The following QRICH2 variants were observed in gnomAD, a reference collection of about 807,000 sequenced individuals.
The protein encoded by QRICH2 is glutamine-rich protein 2.
Under a neutral mutation model 168.3 loss-of-function variants are expected in QRICH2, and 119 were observed. The observed-to-expected ratio is 0.71, with a 90% CI of 0.61 to 0.82. The LOEUF (loss-of-function observed/expected upper bound fraction) is 0.82, where lower values mean the gene tolerates loss of function less well. Ranked by LOEUF, QRICH2 falls within the 40% of genes least tolerant of loss-of-function variation. QRICH2 has a pLI of 0.00. For synonymous variants in QRICH2, 894 were observed against 951.2 expected, an observed-to-expected ratio of 0.94 and a Z score of 1.11; for missense variants, 2,241 against 2,491.6, an observed-to-expected ratio of 0.90 and a Z score of 2.14.
chr17:76,289,083 G>A (rs867233668), intron 5 of QRICH2, among the ~76,000 whole-genome samples: 2 of 144,922 alleles, frequency 1.4e-5, no homozygotes, highest in African/African-American at 2.6e-5. Flanking sequence ...CAGCCTTGGC[G>A]ACAGAGTGAG....
At position 76,293,885 on chromosome 17, in the gene QRICH2, G is replaced by A. The variant is rs140131210; in HGVS notation, c.842C>T (p.Pro281Leu). The change falls in exon 4 of 19, where the codon CCG becomes CTG. Residue 281 changes from proline to leucine, a missense_variant. This residue lies in a region of QRICH2 where 2,047 missense variants were observed against 2,303.8 expected (regional missense o/e 0.89). Transcript: ENST00000680821. ...QALDSASGLG[P>L]DRTASGSGGT... is the part of the protein sequence containing the mutation. ...ACCAGATCCTGATGCAGTCCGATCC[G>A]GGCCAAGACCACTGGCAGAATCCAG... 9.7e-5 allele frequency: 156 copies of A among 1,614,158 alleles called. No individual in the cohort carries two copies. The highest frequency in any genetic ancestry group is 4.1e-4 in the African/African-American group (31 of 75,040).
rs771702889 is a variant in QRICH2, at chr17:76,282,076, A to T, written c.4051T>A (p.Ser1351Thr). 7 of 1,610,608 alleles carry T rather than the reference A, an allele frequency of 4.3e-6. No individual in the cohort carries two copies. The highest frequency in any genetic ancestry group is 2.7e-5 in the African/African-American group (2 of 74,860). Residue 1351 changes from serine (S) to threonine (T), a missense_variant, in exon 8 of 19, where the codon TCC becomes ACC. Ser to Thr is a moderately conservative substitution (Grantham distance 58). Coordinates refer to ENST00000680821, the MANE Select transcript of QRICH2 (RefSeq NM_001388453.1). Reference sequence around the variant, plus strand: ...CTCATGGACAGGAGCGTGGAGGAGGAGGTCAGCATGCTCTCAATGATCATC... The same window carrying T: ...CTCATGGACAGGAGCGTGGAGGAGGTGGTCAGCATGCTCTCAATGATCATC... ...LRMIIESMLT[S>T]SSTLLSMSMA...
chr17:76,306,820 G>A (rs1249400248), intron 1 of QRICH2, among the ~76,000 whole-genome samples: 1 of 151,932 alleles, frequency 6.6e-6, no homozygotes, highest in African/African-American at 2.4e-5. Flanking sequence ...CTGGGAGGCG[G>A]AAGTTGCAGT....
chr17:76,279,564 C>T, intron 12 of QRICH2, 136 bp from the exon 13 acceptor site: 1 of 682,306 alleles, frequency 1.5e-6, no homozygotes. Flanking sequence ...AATCCATCTG[C>T]TCCCACCTCT....
At chr17:76,294,997 C>T (rs1352400784) in intron 3 of QRICH2, among the ~76,000 whole-genome samples, 1 of 151,238 alleles carries the variant, frequency 6.6e-6, no homozygotes, top group East Asian at 2.0e-4. Context: ...TTTGGGAGGC[C>T]GAGGTGGGCA....
chr17:76,285,988 C>T (rs546642720), intron 7 of QRICH2, among the ~76,000 whole-genome samples: 15 of 151,794 alleles, frequency 9.9e-5, no homozygotes, highest in South Asian at 2.1e-4. Flanking sequence ...CTGGCTAACA[C>T]AGTGAAACCC....
chr17:76,276,380 G>A (rs1173122585), intron 17 of QRICH2, among the ~76,000 whole-genome samples: 1 of 152,192 alleles, frequency 6.6e-6, no homozygotes, highest in Non-Finnish European at 1.5e-5. Flanking sequence ...GGAGGAGGAG[G>A]CCCTGATGAT....
intron 7 of QRICH2, among the ~76,000 whole-genome samples, chr17:76,285,246 C>T (rs2070861364): frequency 6.6e-6 from 1 of 152,016 alleles, no homozygotes; most frequent in African/African-American, 2.4e-5. Flanking sequence ...ATTCTCCTGC[C>T]CCAGCCTCCT....
chr17:76,287,501 A>G (rs2070912101), intron 6 of QRICH2, among the ~76,000 whole-genome samples, 195 bp from the exon 7 acceptor site: 2 of 152,112 alleles, frequency 1.3e-5, no homozygotes, highest in African/African-American at 4.8e-5. Flanking sequence ...AGGACTGGGC[A>G]CTGCAAAGAG....
At position 76,292,287 on chromosome 17, in the gene QRICH2, G is replaced by A. The variant is rs747096673; in HGVS notation, c.2440C>T (p.Pro814Ser). 1.2e-6 allele frequency: 2 copies of A among 1,603,816 alleles called. No individual in the cohort carries two copies. Among genetic ancestry groups the A allele is most frequent in the South Asian group, 1.1e-5 (1 of 89,726 alleles). The change falls in exon 4 of 19, where the codon CCT becomes TCT. Residue 814 changes from proline to serine, a missense_variant. By Grantham distance (74) the Pro-to-Ser change is moderately conservative (BLOSUM62 -1). Around this residue, in one of 3 missense-constraint regions of QRICH2, gnomAD observed 2,047 missense variants for 2,303.8 expected, o/e 0.89. Transcript: ENST00000680821. ...PGAVQRGLVQ[P>S]GAVQRGLVQP... Reference sequence around the variant, plus strand: ...ACCAAACCACGCTGAACTGCACCAGGTTGCACCAAACCACGCTGAACTGCA... The same window carrying A: ...ACCAAACCACGCTGAACTGCACCAGATTGCACCAAACCACGCTGAACTGCA...
chr17:76,289,527 A>C (rs2070949987), intron 5 of QRICH2, among the ~76,000 whole-genome samples: 1 of 152,198 alleles, frequency 6.6e-6, no homozygotes, highest in Admixed American at 6.5e-5. Flanking sequence ...ACACGATGAT[A>C]CCCAAGGTGC....
rs1199779525 is a variant in QRICH2, at chr17:76,280,971, G to C, written c.4264-18C>G. 1 of 1,605,048 alleles carries C rather than the reference G, an allele frequency of 6.2e-7. No individual in the cohort carries two copies. Among genetic ancestry groups the C allele is most frequent in the Admixed American group, 1.7e-5 (1 of 59,978 alleles). ...TCCTCGTCCTGCGGCAGGAGGGATGGGAAGGCTCTCGGAGGCTGCTGGCGC... is the reference window on the plus strand; with the variant it reads ...TCCTCGTCCTGCGGCAGGAGGGATGCGAAGGCTCTCGGAGGCTGCTGGCGC... On this transcript the variant is annotated intron_variant, in intron 8 of 18. Coordinates refer to ENST00000680821, the MANE Select transcript of QRICH2 (RefSeq NM_001388453.1). This position sits in a 1 kb window ranked among gnomAD's most constrained non-coding sequence, Gnocchi z 7.4.
At position 76,276,776 on chromosome 17, in the gene QRICH2, G is replaced by A. The variant is rs749829171; in HGVS notation, c.5266-9C>T. Reference sequence around the variant, plus strand: ...ATGTCCACCTCATCATGCTGTAGAAGTGAACAGATACCGTCGCCACTGTAG... The same window carrying A: ...ATGTCCACCTCATCATGCTGTAGAAATGAACAGATACCGTCGCCACTGTAG... On this transcript the variant is annotated splice_polypyrimidine_tract_variant and intron_variant, in intron 16 of 18. Coordinates refer to ENST00000680821, the MANE Select transcript of QRICH2 (RefSeq NM_001388453.1). The A allele has an allele frequency of 1.2e-6, 2 of 1,606,718 alleles. No homozygotes were observed. The highest frequency in any genetic ancestry group is 4.5e-5 in the East Asian group (2 of 44,862).
In QRICH2 at chr17:76,281,365, C is replaced by T. The variant is rs1167553944; in HGVS notation, c.4264-412G>A. ...GGAGGCTCAGGAGTGATGTGCTGTC[C>T]CGGGGCACTTGAGAGCTGGGCTGTG... On this transcript the variant is annotated intron_variant, in intron 8 of 18. Coordinates refer to ENST00000680821, the MANE Select transcript of QRICH2 (RefSeq NM_001388453.1). This position sits in a 1 kb window ranked among gnomAD's most constrained non-coding sequence, Gnocchi z 4.4. 6.6e-6 allele frequency among the ~76,000 whole-genome samples: 1 copy of T among 152,084 alleles called. No individual in the cohort carries two copies. Among genetic ancestry groups the T allele is most frequent in the Admixed American group, 6.5e-5 (1 of 15,274 alleles).
Position 76,307,403 on chromosome 17 carries a change from A to AGGCCTGGAGGGC in QRICH2, c.534+50_534+61dup, listed in dbSNP as rs750258965. The AGGCCTGGAGGGC allele has an allele frequency of 9.5e-6, 15 of 1,579,228 alleles. No homozygotes were observed. Among genetic ancestry groups the AGGCCTGGAGGGC allele is most frequent in the Admixed American group, 6.7e-5 (4 of 59,710 alleles). ...CCTCCAGGGTGGTGGGGACTCGGCT[A>AGGCCTGGAGGGC]GGCCTGGAGGGCGGCCTGGAGGAGG... On this transcript the variant is annotated intron_variant, in intron 1 of 18. Coordinates refer to ENST00000680821, the MANE Select transcript of QRICH2 (RefSeq NM_001388453.1). The surrounding 1 kb of genome is among the most constrained non-coding windows in gnomAD (Gnocchi z 5.3).
chr17:76,302,036 T>C (rs918194975), intron 3 of QRICH2, among the ~76,000 whole-genome samples: 2 of 152,050 alleles, frequency 1.3e-5, no homozygotes, highest in African/African-American at 4.8e-5. Flanking sequence ...GTGCTTGGGA[T>C]TACAGGCATG....
At chr17:76,305,059 G>A (rs765574173) in intron 1 of QRICH2, 118 bp from the exon 2 acceptor site, 28 of 762,952 alleles carry the variant, frequency 3.7e-5, no homozygotes, top group Middle Eastern at 5.2e-4. Flanking sequence ...ATGCATACAC[G>A]CACATTCACA....
intron 4 of QRICH2, 35 bp from the exon 5 acceptor site, chr17:76,290,112 T>C: frequency 1.3e-6 from 2 of 1,508,578 alleles, no homozygotes; most frequent in South Asian, 1.1e-5. Context: ...TCAGAGGGGT[T>C]AGATCTCTAG....
intron 7 of QRICH2, among the ~76,000 whole-genome samples, chr17:76,286,115 C>T (rs1247879127): frequency 2.0e-5 from 3 of 151,618 alleles, no homozygotes; most frequent in African/African-American, 7.3e-5. Flanking sequence ...GCAGAGCTTG[C>T]AGTGAGCCGA....
Sources: allele counts gnomAD v4.1 joint callset (sites outside exome capture counted in the v4.1 genomes callset), GRCh38; gene constraint gnomAD v4.1.1; regional missense constraint gnomAD v4.1.1; non-coding constraint Gnocchi (gnomAD v3.1); transcripts MANE v1.5; gene names NCBI Gene and HGNC (gene_info 2026-07-23, HGNC 2026-07-21).